The following TCL1B variants were observed in gnomAD, a reference collection of about 807,000 sequenced individuals.
TCL1B encodes TCL1 family AKT coactivator B.
In TCL1B, 14 loss-of-function variants were observed where a neutral mutation model predicts 16.9. The ratio of observed to expected loss-of-function variants is 0.83; its 90% CI spans 0.55 to 1.30. The LOEUF (loss-of-function observed/expected upper bound fraction) is 1.30, where lower values mean the gene tolerates loss of function less well. Among genes scored for constraint, TCL1B ranks in the 50% most tolerant of loss-of-function variants. The pLI, the probability that TCL1B is intolerant of heterozygous loss-of-function variation, is 0.00. For synonymous variants in TCL1B, 79 were observed against 66.6 expected (o/e 1.19, Z -0.91); for missense variants, 166 against 165.2 (o/e 1.00, Z -0.03).
chr14:95,691,826 G>T (rs1743531), intron 3 of TCL1B, 105 bp from the exon 4 acceptor site: 144,715 of 153,932 alleles, frequency 0.94, 68,384 homozygotes, highest in Middle Eastern at 1. Context: ...CAGGGCCTGG[G>T]CCATTGGAGG....
At position 95,690,862 on chromosome 14, in the gene TCL1B, C is replaced by A. The variant is rs542592522; in HGVS notation, c.289C>A (p.Arg97=). ...VWQLYPGRKY[R]AADSSFWEIA... is the part of the protein sequence containing the mutation. ...GCAGCTCTACCCCGGGAGGAAGTAC[C>A]GAGCAGCGGATTCCAGTTTCTGGGA... The change falls in exon 2 of 4, where the codon CGA becomes AGA. Residue 97 remains arginine (R), a synonymous_variant. Transcript: ENST00000340722. The A allele has an allele frequency of 6.2e-7, 1 of 1,614,158 alleles. No individual in the cohort carries two copies. The highest frequency in any genetic ancestry group is 1.7e-5 in the Admixed American group (1 of 60,024).
At chr14:95,690,986 G>A in intron 2 of TCL1B, 80 bp downstream of exon 2, 1 of 1,527,638 alleles carries the variant, frequency 6.5e-7, no homozygotes, top group Non-Finnish European at 8.9e-7. Context: ...TGTGCCCCTG[G>A]CCCCCTTGGG....
At chr14:95,690,659 C>A in intron 1 of TCL1B, 77 bp from the exon 2 acceptor site, 1 of 1,500,144 alleles carries the variant, frequency 6.7e-7, no homozygotes, top group Non-Finnish European at 9.1e-7. Flanking sequence ...TGGCAGCCCA[C>A]TGGCCATTGC....
Position 95,690,193 on chromosome 14 carries a change from A to G in TCL1B, c.163-543A>G, listed in dbSNP as rs367724817. ...AATTTTTTATTTTTTGTAGAGACAGAGTCTCATTATGTTGCCGAGGCTGGT... is the reference window on the plus strand; with the variant it reads ...AATTTTTTATTTTTTGTAGAGACAGGGTCTCATTATGTTGCCGAGGCTGGT... On this transcript the variant is annotated intron_variant, in intron 1 of 3. Transcript: ENST00000340722. 1.1e-3 allele frequency among the ~76,000 whole-genome samples: 167 copies of G among 152,260 alleles called. 1 individual carries two copies. In the East Asian group the frequency reaches 0.011, roughly 10 times the overall value.
intron 1 of TCL1B, among the ~76,000 whole-genome samples, chr14:95,690,497 T>G (rs1183526548): frequency 6.6e-6 from 1 of 151,944 alleles, no homozygotes; most frequent in African/African-American, 2.4e-5. Context: ...GTTGACAGGT[T>G]GGAAACAGTG....
intron 1 of TCL1B, 139 bp from the exon 2 acceptor site, chr14:95,690,597 A>G (rs1885857749): frequency 1.0e-6 from 1 of 973,130 alleles, no homozygotes. Flanking sequence ...AGCCACAAGT[A>G]CCAGTGCCAA....
intron 1 of TCL1B, among the ~76,000 whole-genome samples, chr14:95,689,072 G>C (rs1885824297): frequency 6.6e-6 from 1 of 152,050 alleles, no homozygotes; most frequent in Non-Finnish European, 1.5e-5. Flanking sequence ...GGATCACAAG[G>C]TCAGGAGATC....
chr14:95,690,935 C>G lies in TCL1B; in HGVS notation c.333+29C>G, dbSNP rs368270101. 21 of 1,604,492 alleles carry G rather than the reference C, an allele frequency of 1.3e-5. No homozygotes were observed. The African/African-American group carries it at 2.4e-4, about 18-fold the overall frequency. On this transcript the variant is annotated intron_variant, in intron 2 of 3. Coordinates refer to ENST00000340722, the MANE Select transcript of TCL1B (RefSeq NM_004918.4). ...AGTGTGTGGTGGTTCTAGGTGAAAG[C>G]GACAGGTGGCCCCTGGTGACTGCCG...
intron 1 of TCL1B, among the ~76,000 whole-genome samples, chr14:95,689,014 C>T (rs550267090): frequency 1.1e-4 from 16 of 152,210 alleles, no homozygotes; most frequent in East Asian, 1.9e-4. Context: ...TGGCCGGGTG[C>T]GGTGGCTCAC....
intron 1 of TCL1B, among the ~76,000 whole-genome samples, chr14:95,688,719 C>G (rs1885813327): frequency 6.6e-6 from 1 of 152,274 alleles, no homozygotes. Flanking sequence ...GAAGTATTCA[C>G]CCTTAAAAGT....
At chr14:95,691,216 CAACT>C (rs1885878714) in intron 2 of TCL1B, 48 bp from the exon 3 acceptor site, 9 of 1,596,706 alleles carry the variant, frequency 5.6e-6, no homozygotes, top group Admixed American at 1.7e-5. Context: ...CCGTTAAGGC[CAACT>C]GGAAGAGCAT....
At position 95,690,831 on chromosome 14, in the gene TCL1B, C is replaced by CGTGT; in HGVS notation, c.260_263dup (p.Trp88CysfsTer27). 6.2e-7 allele frequency: 1 copy of CGTGT among 1,614,116 alleles called. No homozygotes were observed. Among genetic ancestry groups the CGTGT allele is most frequent in the Non-Finnish European group, 8.5e-7 (1 of 1,179,928 alleles). ...AGATGCCCTTCTCCCAGCTGCCCGC[C>CGTGT]GTGTGGCAGCTCTACCCCGGGAGGA... On this transcript the variant is annotated frameshift_variant, in exon 2 of 4. Transcript: ENST00000340722. LOFTEE classifies it high-confidence loss of function.
chr14:95,686,751 C>G, intron 1 of TCL1B, 122 bp downstream of exon 1: 1 of 1,242,160 alleles, frequency 8.1e-7, no homozygotes, highest in Non-Finnish European at 1.1e-6. Context: ...CACTTCTGTG[C>G]AGGTCTAGGA....
At chr14:95,689,050 G>A (rs186591156) in intron 1 of TCL1B, among the ~76,000 whole-genome samples, 2 of 152,156 alleles carry the variant, frequency 1.3e-5, no homozygotes, top group Admixed American at 6.5e-5. Context: ...ACTTTGGGGG[G>A]CCGAGGCGGG....
intron 3 of TCL1B, 178 bp from the exon 4 acceptor site, chr14:95,691,753 A>G (rs765344814): frequency 7.9e-5 from 15 of 190,136 alleles, no homozygotes; most frequent in Non-Finnish European, 1.5e-4. Context: ...GTGGCCTTGG[A>G]GGACCCAGCA....
chr14:95,687,858 A>G (rs1284446003), intron 1 of TCL1B, among the ~76,000 whole-genome samples: 1 of 149,850 alleles, frequency 6.7e-6, no homozygotes, highest in Non-Finnish European at 1.5e-5. Flanking sequence ...AGGCTGAGGC[A>G]GGAGAATGGC....
intron 1 of TCL1B, among the ~76,000 whole-genome samples, chr14:95,690,509 C>T (rs1365658648): frequency 6.6e-6 from 1 of 151,998 alleles, no homozygotes; most frequent in Non-Finnish European, 1.5e-5. Flanking sequence ...GAAACAGTGG[C>T]TAAATTTGGG....
rs773666670 is a variant in TCL1B, at chr14:95,686,606, G to A, written c.139G>A (p.Ala47Thr). The change falls in exon 1 of 4, where the codon GCC becomes ACC. Residue 47 changes from alanine (A) to threonine (T), a missense_variant. By Grantham distance (58) the Ala-to-Thr change is moderately conservative. Coordinates refer to ENST00000340722, the MANE Select transcript of TCL1B (RefSeq NM_004918.4). ...GTTCAATCCCTCGCGTAGGGAATGGGCCAGGGCCTCCCAGGGCAGCAGAGT... is the reference window on the plus strand; with the variant it reads ...GTTCAATCCCTCGCGTAGGGAATGGACCAGGGCCTCCCAGGGCAGCAGAGT... ...VRFNPSRREWARASQGSRYEP... is the reference protein window; with the variant it reads ...VRFNPSRREWTRASQGSRYEP... 6.2e-7 allele frequency: 1 copy of A among 1,611,628 alleles called. No individual in the cohort carries two copies. Among genetic ancestry groups the A allele is most frequent in the Non-Finnish European group, 8.5e-7 (1 of 1,178,616 alleles).
In TCL1B at chr14:95,686,651, AG is replaced by A. The variant is rs766701795; in HGVS notation, c.162+24del. On this transcript the variant is annotated intron_variant, in intron 1 of 3. Transcript: ENST00000340722. ...CAGAGTGAGTCCTGGGCACGAGGGG[AG>A]GCTGTGGGGAGGGCTGCGCACTGAC... 6 of 1,590,220 alleles carry A rather than the reference AG, an allele frequency of 3.8e-6. No homozygotes were observed. The African/African-American group carries it at 6.7e-5, about 18-fold the overall frequency.
Sources: allele counts gnomAD v4.1 joint callset (sites outside exome capture counted in the v4.1 genomes callset), GRCh38; gene constraint gnomAD v4.1.1; transcripts MANE v1.5; gene names NCBI Gene and HGNC (gene_info 2026-07-23, HGNC 2026-07-21).